CREB5: variants seen among roughly 807,000 people sequenced by gnomAD.
CREB5 encodes the protein cAMP responsive element binding protein 5.
A neutral mutation model predicts 57.1 loss-of-function variants in CREB5; 19 were observed. The ratio of observed to expected loss-of-function variants is 0.33; its 90% CI spans 0.23 to 0.49. CREB5 has a LOEUF of 0.49. CREB5 is among the 20% of genes least tolerant of loss of function. The pLI is 0.99. For missense variants in CREB5, 579 were observed against 671.6 expected (o/e 0.86, Z 1.52); for synonymous variants, 238 against 238.3 (o/e 1.00, Z 0.01).
intron 5 of CREB5, among the ~76,000 whole-genome samples, chr7:28,690,991 G>C (rs1304698483): frequency 1.3e-5 from 2 of 152,220 alleles, no homozygotes; most frequent in African/African-American, 2.4e-5. Flanking sequence ...TCTGGGTGGA[G>C]GGAAGGACAC....
At chr7:28,558,485 G>C (rs1794959376) in intron 4 of CREB5, among the ~76,000 whole-genome samples, 1 of 152,208 alleles carries the variant, frequency 6.6e-6, no homozygotes, top group African/African-American at 2.4e-5. Flanking sequence ...TTTTGGAAGA[G>C]GAAGTCTAAC....
chr7:28,302,320 C>T (rs1262886369), intron 1 of CREB5, among the ~76,000 whole-genome samples: 1 of 152,056 alleles, frequency 6.6e-6, no homozygotes, highest in Non-Finnish European at 1.5e-5. Flanking sequence ...TCCAAACAAA[C>T]ATTTATGCAA....
intron 1 of CREB5, among the ~76,000 whole-genome samples, chr7:28,318,953 G>A (rs986181804): frequency 6.6e-6 from 1 of 152,134 alleles, no homozygotes; most frequent in Non-Finnish European, 1.5e-5. Flanking sequence ...TTTTGATTCT[G>A]GACTGACATT....
At chr7:28,753,985 TA>T (rs541229355) in intron 7 of CREB5, among the ~76,000 whole-genome samples, 2,448 of 139,410 alleles carry the variant, frequency 0.018, 58 homozygotes, top group African/African-American at 0.056. Context: ...TTAAACTCAT[TA>T]AAAAAAAAAA....
At chr7:28,410,139 C>A (rs773459538), upstream of CREB5, 9 of 388,020 alleles carry the variant, frequency 2.3e-5, no homozygotes, top group African/African-American at 1.5e-4. Flanking sequence ...GCCGGGCTGC[C>A]GGCTGCAGCG....
chr7:28,365,767 C>T (rs1191463005), intron 1 of CREB5, among the ~76,000 whole-genome samples: 6 of 152,158 alleles, frequency 3.9e-5, no homozygotes, highest in South Asian at 2.1e-4. Context: ...CAACATCCAA[C>T]GCAGCCAAAC....
intron 1 of CREB5, among the ~76,000 whole-genome samples, chr7:28,310,836 A>T (rs1785262414): frequency 6.6e-6 from 1 of 152,222 alleles, no homozygotes; most frequent in Non-Finnish European, 1.5e-5. Context: ...AATCATTATT[A>T]CACTCGATGA....
intron 1 of CREB5, among the ~76,000 whole-genome samples, chr7:28,448,145 T>C (rs1255110228): frequency 6.6e-6 from 1 of 152,056 alleles, no homozygotes; most frequent in African/African-American, 2.4e-5. Flanking sequence ...GAGACTGGCC[T>C]AGCCTCCCAG....
rs537555931 is a variant in CREB5 at position 28,454,042 on chromosome 7, C to T, written c.4-34133C>T. 2.7e-5 allele frequency among the ~76,000 whole-genome samples: 4 copies of T among 146,456 alleles called. No individual in the cohort carries two copies. In the South Asian group the frequency reaches 6.5e-4, roughly 24 times the overall value. ...GATCTCGGCTCACTGTAAGCTCCGC[C>T]TCCTGGATTCATGCCATTCTCCTGC... On this transcript the variant is annotated intron_variant, in intron 1 of 10. Coordinates refer to ENST00000357727, the MANE Select transcript of CREB5 (RefSeq NM_182898.4).
intron 5 of CREB5, among the ~76,000 whole-genome samples, chr7:28,624,676 G>GAAAAAAA (rs56161206): frequency 7.7e-6 from 1 of 130,154 alleles, no homozygotes; most frequent in Non-Finnish European, 1.6e-5. Context: ...CAACAGACGT[G>GAAAAAAA]AAAAAAAAAA....
chr7:28,655,342 C>T (rs114142089), intron 5 of CREB5, among the ~76,000 whole-genome samples: 279 of 152,314 alleles, frequency 1.8e-3, no homozygotes, highest in Middle Eastern at 0.01. Flanking sequence ...CATGGTGGCT[C>T]ATGCCCATAA....
At chr7:28,529,403 C>A (rs558378462) in intron 4 of CREB5, among the ~76,000 whole-genome samples, 2 of 152,110 alleles carry the variant, frequency 1.3e-5, no homozygotes, top group Non-Finnish European at 2.9e-5. Flanking sequence ...AGGAGTGAGA[C>A]GAGAGAAAGA....
chr7:28,437,192 C>G (rs972601524), intron 1 of CREB5, among the ~76,000 whole-genome samples: 24 of 152,244 alleles, frequency 1.6e-4, no homozygotes, highest in African/African-American at 5.8e-4. Context: ...ATAGATAAGC[C>G]AATTAAGTTA....
intron 7 of CREB5, among the ~76,000 whole-genome samples, chr7:28,790,472 G>GAGAGAA (rs1562643098): frequency 1.9e-4 from 24 of 124,852 alleles, no homozygotes; most frequent in Non-Finnish European, 2.7e-4. Context: ...TAGAGAGAGA[G>GAGAGAA]AGAAAGAAAG....
intron 1 of CREB5, among the ~76,000 whole-genome samples, chr7:28,320,744 G>C (rs1193931257): frequency 6.6e-6 from 1 of 152,212 alleles, no homozygotes; most frequent in Non-Finnish European, 1.5e-5. Flanking sequence ...TCACTCTACA[G>C]AGTCAACATT....
intron 1 of CREB5, among the ~76,000 whole-genome samples, chr7:28,442,964 A>T (rs1789265066): frequency 1.3e-5 from 2 of 152,216 alleles, no homozygotes. Flanking sequence ...AGCTAATTTT[A>T]ATTGAACACC....
chr7:28,640,769 G>T (rs1372553873), intron 5 of CREB5, among the ~76,000 whole-genome samples: 1 of 152,064 alleles, frequency 6.6e-6, no homozygotes, highest in African/African-American at 2.4e-5. Context: ...TCTTCAAACT[G>T]ATGATTCCTA....
rs1194418363 is a variant in CREB5 at position 28,560,963 on chromosome 7, T to TGCGTGCGCGTGC, written c.292-9401_292-9400insCGTGCGCGTGCG. Among the ~76,000 whole-genome samples, 448 of 48,102 alleles carry TGCGTGCGCGTGC rather than the reference T, an allele frequency of 9.3e-3. 41 individuals are homozygous for TGCGTGCGCGTGC. The highest frequency in any genetic ancestry group is 0.013 in the Non-Finnish European group (346 of 25,712). The allele number at this position is 48,102 out of a possible 152,430, so 31.6% of individuals were successfully genotyped here. On this transcript the variant is annotated intron_variant, in intron 4 of 10. Transcript: ENST00000357727. ...GTGCGTGTGTGTGCGTGTGTGTGCG[T>TGCGTGCGCGTGC]GTGTGTGTGCGTGTGTGCGTGCGTG...
At chr7:28,489,229 G>T (rs185847219) in intron 2 of CREB5, among the ~76,000 whole-genome samples, 35 of 151,384 alleles carry the variant, frequency 2.3e-4, no homozygotes, top group Admixed American at 1.1e-3. Context: ...GGGGTTGGCA[G>T]TAGAGCATGG....
Sources: gnomAD v4.1 joint callset for allele counts (sites outside exome capture counted in the v4.1 genomes callset) on GRCh38, gnomAD v4.1.1 for gene constraint, MANE v1.5 for transcripts, NCBI Gene and HGNC (gene_info 2026-07-23, HGNC 2026-07-21) for gene names.